FBLN1: variants seen among roughly 807,000 people sequenced by gnomAD.
The protein encoded by FBLN1 is fibulin 1.
Under a neutral mutation model 89.7 loss-of-function variants are expected in FBLN1, and 34 were observed. The ratio of observed to expected loss-of-function variants is 0.38; its 90% CI spans 0.29 to 0.50. The LOEUF is 0.50. Among genes scored for constraint, FBLN1 ranks in the 20% least tolerant of loss-of-function variants. The probability of loss-of-function intolerance (pLI) is 0.92; values close to 1 mark genes in which losing one functional copy is unlikely to be tolerated. For missense variants in FBLN1, 777 were observed against 988.1 expected, an observed-to-expected ratio of 0.79 and a Z score of 2.86; for synonymous variants, 393 against 391.3, an observed-to-expected ratio of 1.00 and a Z score of -0.05.
chr22:45,554,985 T>C (rs2088760729), intron 14 of FBLN1, among the ~76,000 whole-genome samples: 1 of 149,566 alleles, frequency 6.7e-6, no homozygotes, highest in Non-Finnish European at 1.5e-5. Flanking sequence ...TTAGGACCCG[T>C]CCCCGTCTCC....
chr22:45,538,063 C>T (rs892857488), intron 8 of FBLN1, among the ~76,000 whole-genome samples: 7 of 152,362 alleles, frequency 4.6e-5, no homozygotes, highest in African/African-American at 1.2e-4. Flanking sequence ...GGCTGAGGCT[C>T]GGGAGCCGTC....
In FBLN1 at chr22:45,575,116, C is replaced by T. The variant is rs2088985376; in HGVS notation, c.1840+463C>T. 6.6e-6 allele frequency among the ~76,000 whole-genome samples: 1 copy of T among 152,074 alleles called. No individual in the cohort carries two copies. The highest frequency in any genetic ancestry group is 1.5e-5 in the Non-Finnish European group (1 of 68,006). On this transcript the variant is annotated intron_variant, in intron 15 of 16. Transcript: ENST00000327858. The surrounding 1 kb of genome is among the most constrained non-coding windows in gnomAD (Gnocchi z 6.3). The stretch of plus-strand genomic sequence containing the variant: ...GCAGAACTTTCTTTGTGTCTGTGTC[C>T]CCCCCACACCCACCTGGCACAGCAG...
chr22:45,591,217 G>A (rs1160182977), intron 16 of FBLN1, among the ~76,000 whole-genome samples: 2 of 152,156 alleles, frequency 1.3e-5, no homozygotes, highest in African/African-American at 2.4e-5. Context: ...AGCAACTCAC[G>A]TAACCACACA....
Position 45,574,687 on chromosome 22 carries a change from CCTAGGGCCT to C in FBLN1, c.1840+36_1840+44del. ...GATGGGTGTGGGGGTCCCAGGGCCC[CCTAGGGCCT>C]CCCTCGGCTTCAGCTGAGGGCTTGG... On this transcript the variant is annotated intron_variant, in intron 15 of 16. Transcript: ENST00000327858. The surrounding 1 kb of genome is among the most constrained non-coding windows in gnomAD (Gnocchi z 4.1). The C allele has an allele frequency of 3.1e-6, 5 of 1,603,120 alleles. No individual in the cohort carries two copies. The South Asian group carries it at 5.6e-5, about 18-fold the overall frequency.
At chr22:45,544,600 TA>T (rs918068204) in intron 11 of FBLN1, among the ~76,000 whole-genome samples, 3 of 152,110 alleles carry the variant, frequency 2.0e-5, no homozygotes, top group African/African-American at 7.3e-5. Context: ...TCAGCGCCTG[TA>T]GTCAGGTTTG....
Position 45,600,634 on chromosome 22 carries a change from A to T in FBLN1, c.*188A>T, listed in dbSNP as rs1376054836. 2.8e-6 allele frequency: 2 copies of T among 704,336 alleles called. No individual in the cohort carries two copies. Among genetic ancestry groups the T allele is most frequent in the African/African-American group, 3.5e-5 (2 of 56,692 alleles). 43.6% of individuals were successfully genotyped at this position (704,336 alleles called of 1,614,324 possible). ...ATGTATTTTCGGTGTTTAAAAAATG[A>T]GCCCAGTTGCTCAACTGTTTGGTTG... On this transcript the variant is annotated 3_prime_UTR_variant, in exon 17 of 17. Transcript: ENST00000327858.
intron 8 of FBLN1, 42 bp downstream of exon 8, chr22:45,535,379 G>T: frequency 6.2e-7 from 1 of 1,612,440 alleles, no homozygotes; most frequent in Non-Finnish European, 8.5e-7. Flanking sequence ...ATTCCAGGAG[G>T]GGCCAGCGAC....
rs1332398406 is a variant in FBLN1, at chr22:45,532,960, C to CA, written c.545-103_545-102insA. The CA allele has an allele frequency of 2.4e-5, 25 of 1,042,740 alleles. No individual in the cohort carries two copies. The highest frequency in any genetic ancestry group is 2.9e-6 in the Non-Finnish European group (2 of 686,026). The allele number at this position is 1,042,740 out of a possible 1,614,324, so 64.6% of individuals were successfully genotyped here. On this transcript the variant is annotated intron_variant, in intron 5 of 16. Coordinates refer to ENST00000327858, the MANE Select transcript of FBLN1 (RefSeq NM_006486.3). This position sits in a 1 kb window ranked among gnomAD's most constrained non-coding sequence, Gnocchi z 4.2. ...CCAGGTCAGCCTGCCTTCCTGGGTT[C>CA]GTCTGCCCAGAGGGCGTTTTCTATG...
chr22:45,514,882 G>A (rs1401411963), intron 1 of FBLN1, among the ~76,000 whole-genome samples: 2 of 152,170 alleles, frequency 1.3e-5, no homozygotes, highest in Non-Finnish European at 2.9e-5. Context: ...CAGGGCCCAG[G>A]AGCCGTGGGT....
Position 45,535,227 on chromosome 22 carries a change from A to C in FBLN1, c.812A>C (p.His271Pro). The C allele has an allele frequency of 6.2e-7, 1 of 1,614,182 alleles. No homozygotes were observed. The highest frequency in any genetic ancestry group is 8.5e-7 in the Non-Finnish European group (1 of 1,180,024). ...KDIDECESGIHNCLPDFICQN... is the reference protein window; with the variant it reads ...KDIDECESGIPNCLPDFICQN... ...ATTGACGAGTGTGAGAGTGGTATTC[A>C]TAACTGCCTCCCCGATTTTATCTGT... Residue 271 changes from histidine to proline, a missense_variant, in exon 8 of 17, where the codon CAT (histidine) becomes CCT (proline). By Grantham distance (77) the His-to-Pro change is moderately conservative. Coordinates refer to ENST00000327858, the MANE Select transcript of FBLN1 (RefSeq NM_006486.3).
rs181153249 is a variant in FBLN1 at position 45,599,347 on chromosome 22, C to T, written c.1973-960C>T. 9.1e-4 allele frequency among the ~76,000 whole-genome samples: 138 copies of T among 152,304 alleles called. 1 individual carries two copies. In the East Asian group the frequency reaches 0.025, roughly 28 times the overall value. ...TGTCACTCCAGCCACCTCTTGCTTC[C>T]CTGTTATCACAAACACTGAACAGTG... On this transcript the variant is annotated intron_variant, in intron 16 of 16. Coordinates refer to ENST00000327858, the MANE Select transcript of FBLN1 (RefSeq NM_006486.3).
In FBLN1 at chr22:45,578,686, C is replaced by T. The variant is rs879489146; in HGVS notation, c.1972+1578C>T. Among the ~76,000 whole-genome samples, 6 of 152,252 alleles carry T rather than the reference C, an allele frequency of 3.9e-5. No homozygotes were observed. The highest frequency in any genetic ancestry group is 1.9e-4 in the East Asian group (1 of 5,200). ...ATGCACCCTGACACTGGCCCACAGC[C>T]GCCCCCCGCCCCAAAGGGGCCAGCC... On this transcript the variant is annotated intron_variant, in intron 16 of 16. Transcript: ENST00000327858. This position sits in a 1 kb window ranked among gnomAD's most constrained non-coding sequence, Gnocchi z 4.6.
At chr22:45,547,961 T>C (rs1353012811) in intron 12 of FBLN1, among the ~76,000 whole-genome samples, 1 of 152,242 alleles carries the variant, frequency 6.6e-6, no homozygotes, top group Admixed American at 6.5e-5. Context: ...CACCAGATCA[T>C]TGGAGGATTA....
At position 45,545,530 on chromosome 22, in the gene FBLN1, C is replaced by A. The variant is rs988911771; in HGVS notation, c.1322-1555C>A. Among the ~76,000 whole-genome samples, 6 of 152,184 alleles carry A rather than the reference C, an allele frequency of 3.9e-5. No individual in the cohort carries two copies. Among genetic ancestry groups the A allele is most frequent in the Admixed American group, 6.5e-5 (1 of 15,284 alleles). On this transcript the variant is annotated intron_variant, in intron 11 of 16. Coordinates refer to ENST00000327858, the MANE Select transcript of FBLN1 (RefSeq NM_006486.3). The surrounding 1 kb of genome is among the most constrained non-coding windows in gnomAD (Gnocchi z 5.9). ...CGGCATTCATATCCACATTAGTGGA[C>A]AATATTGTGGATATAGAACCAGAGC...
intron 1 of FBLN1, among the ~76,000 whole-genome samples, chr22:45,506,334 C>T (rs1347223954): frequency 2.6e-5 from 4 of 152,230 alleles, no homozygotes; most frequent in Non-Finnish European, 5.9e-5. Flanking sequence ...GACTGGTAGT[C>T]GTCAGTGCCA....
chr22:45,554,145 G>A (rs1312317888), intron 14 of FBLN1, among the ~76,000 whole-genome samples: 1 of 152,252 alleles, frequency 6.6e-6, no homozygotes, highest in Non-Finnish European at 1.5e-5. Flanking sequence ...AGCCAGTAGA[G>A]CGGGAGGACG....
rs975663959 is a variant in FBLN1, at chr22:45,550,224, A to G, written c.1574-268A>G. ...TGACTTATCCTTGCGAGGTACTCCCAGGACCCATCATGTAGTGTTTACTTT... is the reference window on the plus strand; with the variant it reads ...TGACTTATCCTTGCGAGGTACTCCCGGGACCCATCATGTAGTGTTTACTTT... On this transcript the variant is annotated intron_variant, in intron 13 of 16. Transcript: ENST00000327858. The surrounding 1 kb of genome is among the most constrained non-coding windows in gnomAD (Gnocchi z 8.4). Among the ~76,000 whole-genome samples the G allele has an allele frequency of 6.6e-6, 1 of 152,240 alleles. No homozygotes were observed. The highest frequency in any genetic ancestry group is 1.5e-5 in the Non-Finnish European group (1 of 68,040).
intron 1 of FBLN1, among the ~76,000 whole-genome samples, chr22:45,509,357 C>G (rs1277738183): frequency 6.6e-6 from 1 of 152,206 alleles, no homozygotes; most frequent in Non-Finnish European, 1.5e-5. Context: ...CTCCTTCTCT[C>G]TTGCTGCCTC....
rs983941715 is a variant in FBLN1, at chr22:45,576,408, C to T, written c.1841-569C>T. Among the ~76,000 whole-genome samples, 8 of 152,106 alleles carry T rather than the reference C, an allele frequency of 5.3e-5. No individual in the cohort carries two copies. The highest frequency in any genetic ancestry group is 1.2e-4 in the African/African-American group (5 of 41,410). ...GAAAGGACCTTTAGTGGGTCTCCGC[C>T]GGCTTCCTTCCTCACCTTACAGGTG... is the stretch of plus-strand genomic sequence containing the variant. On this transcript the variant is annotated intron_variant, in intron 15 of 16. Coordinates refer to ENST00000327858, the MANE Select transcript of FBLN1 (RefSeq NM_006486.3). This position sits in a 1 kb window ranked among gnomAD's most constrained non-coding sequence, Gnocchi z 5.2.
Sources: allele counts gnomAD v4.1 joint callset (sites outside exome capture counted in the v4.1 genomes callset), GRCh38; gene constraint gnomAD v4.1.1; non-coding constraint Gnocchi (gnomAD v3.1); transcripts MANE v1.5; gene names NCBI Gene and HGNC (gene_info 2026-07-23, HGNC 2026-07-21).